The following RFT1 variants were observed in gnomAD, a reference collection of about 807,000 sequenced individuals.
RFT1 encodes man(5)GlcNAc(2)-PP-dolichol translocation protein RFT1.
RFT1 carries 43 observed loss-of-function variants against 62.2 expected under a neutral mutation model. That is an observed-to-expected ratio of 0.69 (90% CI 0.54 to 0.89). The LOEUF is 0.89. Among genes scored for constraint, RFT1 ranks in the 40% least tolerant of loss-of-function variants. The pLI is 0.00. For synonymous variants in RFT1, 262 were observed against 264.6 expected (o/e 0.99, Z 0.10); for missense variants, 605 against 649.9 (o/e 0.93, Z 0.75).
At position 53,105,812 on chromosome 3, in the gene RFT1, C is replaced by T; in HGVS notation, c.827-9G>A. 1 of 1,609,612 alleles carries T rather than the reference C, an allele frequency of 6.2e-7. No homozygotes were observed. The highest frequency in any genetic ancestry group is 8.5e-7 in the Non-Finnish European group (1 of 1,178,068). The stretch of plus-strand genomic sequence containing the variant: ...CACTATATCATACACACCTACAAAA[C>T]AAAAAAGAAGAAACAACAATCATGT... On this transcript the variant is annotated splice_polypyrimidine_tract_variant and intron_variant, in intron 8 of 12. Coordinates refer to ENST00000296292, the MANE Select transcript of RFT1 (RefSeq NM_052859.4).
intron 6 of RFT1, among the ~76,000 whole-genome samples, chr3:53,117,537 G>A (rs1701843898): frequency 6.6e-6 from 1 of 152,320 alleles, no homozygotes; most frequent in African/African-American, 2.4e-5. Context: ...ATCACTATGT[G>A]TGACAGGTAC....
the RFT1 span, among the ~76,000 whole-genome samples, chr3:53,083,304 G>A: frequency 1.3e-5 from 2 of 150,252 alleles, no homozygotes. Context: ...TTGAGCTTAG[G>A]AGTGTAAGAC....
intron 10 of RFT1, among the ~76,000 whole-genome samples, chr3:53,100,657 T>A (rs1378020247): frequency 6.6e-6 from 1 of 152,214 alleles, no homozygotes; most frequent in Non-Finnish European, 1.5e-5. Context: ...GAAGGAAATA[T>A]GCCAAATGCA....
intron 3 of RFT1, among the ~76,000 whole-genome samples, chr3:53,123,461 A>T (rs557858935): frequency 6.6e-6 from 1 of 152,344 alleles, no homozygotes; most frequent in Admixed American, 6.5e-5. Flanking sequence ...ACCTCCAAAG[A>T]GGATGAAACC....
At chr3:53,125,683 C>T (rs1702088809) in intron 2 of RFT1, among the ~76,000 whole-genome samples, 1 of 152,234 alleles carries the variant, frequency 6.6e-6, no homozygotes, top group East Asian at 1.9e-4. Flanking sequence ...AAGAAATGTG[C>T]ATTTGGAGGC....
chr3:53,069,751 TAG>T, the RFT1 span, among the ~76,000 whole-genome samples: 2 of 152,178 alleles, frequency 1.3e-5, no homozygotes, highest in Non-Finnish European at 1.5e-5. Context: ...CGCCTCCCCG[TAG>T]AGAGCCTGGC....
chr3:53,075,871 G>A, the RFT1 span, among the ~76,000 whole-genome samples: 2 of 152,224 alleles, frequency 1.3e-5, no homozygotes, highest in African/African-American at 2.4e-5. Context: ...TGATGAGCAG[G>A]GTGCTGGTGG....
rs181235601 is a variant in RFT1 at position 53,124,087 on chromosome 3, T to C, written c.150-247A>G. ...ACGTGAAGGATAGAAACTGCTGCAG[T>C]GGCCTCAAAAGGCTTCAGCCTTCAT... On this transcript the variant is annotated intron_variant, in intron 2 of 12. Transcript: ENST00000296292. 9.8e-5 allele frequency among the ~76,000 whole-genome samples: 15 copies of C among 152,312 alleles called. 1 individual carries two copies. The highest frequency in any genetic ancestry group is 3.4e-3 in the Middle Eastern group (1 of 294).
chr3:53,119,866 T>C lies in RFT1; in HGVS notation c.696+18A>G. 1.3e-6 allele frequency: 2 copies of C among 1,590,546 alleles called. No homozygotes were observed. The highest frequency in any genetic ancestry group is 1.7e-6 in the Non-Finnish European group (2 of 1,162,946). On this transcript the variant is annotated intron_variant, in intron 6 of 12. Coordinates refer to ENST00000296292, the MANE Select transcript of RFT1 (RefSeq NM_052859.4). ...CACCTATGATTAAAATGATAAGAGATAAAAATGTATTACTTACTCCATTTC... is the reference window on the plus strand; with the variant it reads ...CACCTATGATTAAAATGATAAGAGACAAAAATGTATTACTTACTCCATTTC...
At chr3:53,069,416 G>A in the RFT1 span, among the ~76,000 whole-genome samples, 1 of 152,086 alleles carries the variant, frequency 6.6e-6, no homozygotes, top group East Asian at 1.9e-4. Context: ...AGGTTGAAGA[G>A]CATCTGTATA....
the RFT1 span, among the ~76,000 whole-genome samples, chr3:53,073,901 C>T: frequency 6.6e-6 from 1 of 152,220 alleles, no homozygotes; most frequent in Non-Finnish European, 1.5e-5. Flanking sequence ...ACAAGGACAT[C>T]GGAGTTCCAG....
chr3:53,069,334 G>A, the RFT1 span, among the ~76,000 whole-genome samples: 1 of 152,274 alleles, frequency 6.6e-6, no homozygotes, highest in East Asian at 1.9e-4. Flanking sequence ...AGTAGGTTAG[G>A]CATATTAAAT....
intron 9 of RFT1, among the ~76,000 whole-genome samples, 191 bp downstream of exon 9, chr3:53,105,482 G>A (rs1701442640): frequency 6.7e-6 from 1 of 149,470 alleles, no homozygotes; most frequent in African/African-American, 2.5e-5. Context: ...GGACAGCCAA[G>A]AGCAAAGCAA....
chr3:53,069,182 C>T, the RFT1 span, among the ~76,000 whole-genome samples: 1 of 152,184 alleles, frequency 6.6e-6, no homozygotes, highest in African/African-American at 2.4e-5. Context: ...TCAAGTGCTC[C>T]GCCCTCCTCA....
In RFT1 at chr3:53,111,807, A is replaced by G. The variant is rs372774620; in HGVS notation, c.775+23T>C. 11 of 1,599,448 alleles carry G rather than the reference A, an allele frequency of 6.9e-6. No individual in the cohort carries two copies. In the African/African-American group the frequency reaches 1.5e-4, roughly 21 times the overall value. ...CCCCTTCTACTATGGTCTCCCGACG[A>G]TTCAGAGTGACCGTCTACTTACCTT... On this transcript the variant is annotated intron_variant, in intron 7 of 12. Coordinates refer to ENST00000296292, the MANE Select transcript of RFT1 (RefSeq NM_052859.4).
chr3:53,115,877 T>C (rs1413534522), intron 6 of RFT1, among the ~76,000 whole-genome samples: 1 of 152,232 alleles, frequency 6.6e-6, no homozygotes, highest in East Asian at 1.9e-4. Context: ...TATCTCTCCA[T>C]CACCATGCAA....
Position 53,104,036 on chromosome 3 carries a change from C to A in RFT1, c.1019G>T (p.Gly340Val). Residue 340 changes from glycine to valine, a missense_variant, in exon 10 of 13, where the codon GGC becomes GTC. By Grantham distance (109) the Gly-to-Val change is moderately radical. Coordinates refer to ENST00000296292, the MANE Select transcript of RFT1 (RefSeq NM_052859.4). ...AAAGCCAAAAACAGTGATGGTCAGG[C>A]CGGCCAGCAGGGCCAGCTTGAGCAG... is the stretch of plus-strand genomic sequence containing the variant. Reference protein sequence around the residue: ...ESLLKLALLAGLTITVFGFAY... With the variant: ...ESLLKLALLAVLTITVFGFAY... 6.2e-7 allele frequency: 1 copy of A among 1,614,190 alleles called. No homozygotes were observed.
chr3:53,112,287 C>T (rs2107136607), intron 6 of RFT1, among the ~76,000 whole-genome samples: 1 of 152,336 alleles, frequency 6.6e-6, no homozygotes, highest in African/African-American at 2.4e-5. Context: ...CCATATACTG[C>T]ACATTGTAAT....
intron 9 of RFT1, 108 bp downstream of exon 9, chr3:53,105,565 A>G (rs948461251): frequency 1.5e-6 from 2 of 1,352,440 alleles, no homozygotes; most frequent in Admixed American, 1.7e-5. Context: ...TGAAATCTAT[A>G]AGAAAATTCC....
Sources: allele counts gnomAD v4.1 joint callset (sites outside exome capture counted in the v4.1 genomes callset), GRCh38; gene constraint gnomAD v4.1.1; transcripts MANE v1.5; gene names NCBI Gene and HGNC (gene_info 2026-07-23, HGNC 2026-07-21).